Variants in DLG2 observed in about 807,000 individuals in gnomAD.
DLG2 encodes disks large homolog 2.
In DLG2, 45 loss-of-function variants were observed where a neutral mutation model predicts 132.5. That is an observed-to-expected ratio of 0.34 (90% CI 0.27 to 0.44). The LOEUF is 0.44. Ranked by LOEUF, DLG2 falls within the 20% of genes least tolerant of loss-of-function variation. The pLI is 1.00. For synonymous variants in DLG2, 424 were observed against 419.6 expected, an observed-to-expected ratio of 1.01 and a Z score of -0.13; for missense variants, 1,045 against 1,196.9, an observed-to-expected ratio of 0.87 and a Z score of 1.87.
intron 6 of DLG2, among the ~76,000 whole-genome samples, chr11:84,574,788 G>C (rs986843418): frequency 6.6e-6 from 1 of 152,084 alleles, no homozygotes; most frequent in African/African-American, 2.4e-5. Flanking sequence ...AGGTGCTCTT[G>C]CTCCTTTGTT....
intron 11 of DLG2, among the ~76,000 whole-genome samples, chr11:84,009,455 G>C (rs576882124): frequency 2.7e-4 from 41 of 152,128 alleles, no homozygotes; most frequent in African/African-American, 9.4e-4. Flanking sequence ...TATATGGTAT[G>C]ATTTTTTTTC....
chr11:84,896,983 A>AT (rs958963947), intron 6 of DLG2, among the ~76,000 whole-genome samples: 7 of 151,728 alleles, frequency 4.6e-5, no homozygotes, highest in African/African-American at 9.7e-5. Flanking sequence ...AATTTTTTTC[A>AT]TTATAAAATG....
At chr11:84,177,453 C>T (rs1596697949) in intron 8 of DLG2, among the ~76,000 whole-genome samples, 1 of 152,186 alleles carries the variant, frequency 6.6e-6, no homozygotes. Flanking sequence ...TAAGTATCAG[C>T]TCAGGCTTTG....
At chr11:83,518,315 C>T (rs986494780) in intron 21 of DLG2, among the ~76,000 whole-genome samples, 31 of 152,330 alleles carry the variant, frequency 2.0e-4, no homozygotes, top group African/African-American at 5.8e-4. Flanking sequence ...TAGAACCCTC[C>T]AAGCCAGGCG....
chr11:85,025,131 T>A lies in DLG2; in HGVS notation c.357+86530A>T, dbSNP rs191324958. Among the ~76,000 whole-genome samples the A allele has an allele frequency of 6.5e-3, 997 of 152,332 alleles. 8 individuals carry two copies. Among genetic ancestry groups the A allele is most frequent in the African/African-American group, 0.023 (936 of 41,576 alleles). On this transcript the variant is annotated intron_variant, in intron 6 of 27. Transcript: ENST00000376104. Reference sequence around the variant, plus strand: ...TTTTTAAATTAAACGTATTCTATAATTGTAGATAAATTTTCCATTGTATCT... The same window carrying A: ...TTTTTAAATTAAACGTATTCTATAAATGTAGATAAATTTTCCATTGTATCT...
At chr11:84,607,624 A>T (rs1254642410) in intron 6 of DLG2, among the ~76,000 whole-genome samples, 1 of 152,118 alleles carries the variant, frequency 6.6e-6, no homozygotes, top group Non-Finnish European at 1.5e-5. Context: ...TTTAATGAAT[A>T]TAATTCCTAC....
In DLG2 at chr11:85,230,820, G is replaced by T. The variant is rs142082683; in HGVS notation, c.186+54400C>A. On this transcript the variant is annotated intron_variant, in intron 4 of 27. Transcript: ENST00000376104. ...TTAGGTCATGAAGGTCATTCCTTAT[G>T]AATGGAATTAGCACCCTTATAAAAG... Among the ~76,000 whole-genome samples, 288 of 151,988 alleles carry T rather than the reference G, an allele frequency of 1.9e-3. 1 individual carries two copies. The highest frequency in any genetic ancestry group is 6.5e-3 in the African/African-American group (271 of 41,504).
At chr11:84,199,748 G>T (rs2096567748) in intron 8 of DLG2, among the ~76,000 whole-genome samples, 1 of 151,942 alleles carries the variant, frequency 6.6e-6, no homozygotes, top group Admixed American at 6.6e-5. Context: ...AATTATTCAG[G>T]ATAAAATCTG....
At chr11:83,828,615 G>C (rs2053577762) in intron 17 of DLG2, among the ~76,000 whole-genome samples, 1 of 152,130 alleles carries the variant, frequency 6.6e-6, no homozygotes, top group African/African-American at 2.4e-5. Context: ...CAATCCTGCT[G>C]TTTCAGTGTT....
chr11:83,568,398 G>A (rs1283102173), intron 19 of DLG2, among the ~76,000 whole-genome samples: 1 of 152,074 alleles, frequency 6.6e-6, no homozygotes, highest in East Asian at 1.9e-4. Context: ...GTACCTAGGG[G>A]CATACAAATT....
At chr11:85,066,926 G>A (rs761836475) in intron 6 of DLG2, among the ~76,000 whole-genome samples, 12 of 151,684 alleles carry the variant, frequency 7.9e-5, no homozygotes, top group Non-Finnish European at 1.5e-4. Flanking sequence ...AGAAGTCCTA[G>A]TTAGAGCCAT....
chr11:85,216,424 G>C (rs2082600467), intron 4 of DLG2, among the ~76,000 whole-genome samples: 1 of 152,090 alleles, frequency 6.6e-6, no homozygotes, highest in South Asian at 2.1e-4. Context: ...TTTATCTTTT[G>C]TGTTTGTTGT....
In DLG2 at chr11:85,555,165, G is replaced by A. The variant is rs1052805523; in HGVS notation, c.40+43492C>T. On this transcript the variant is annotated intron_variant, in intron 3 of 27. Transcript: ENST00000376104. ...GCAGTGGGCAAGAATAACCCATCAGGCAATTACATAATTTACTTAAACTGA... is the reference window on the plus strand; with the variant it reads ...GCAGTGGGCAAGAATAACCCATCAGACAATTACATAATTTACTTAAACTGA... 2.4e-4 allele frequency among the ~76,000 whole-genome samples: 36 copies of A among 151,620 alleles called. 1 individual carries two copies. Among genetic ancestry groups the A allele is most frequent in the African/African-American group, 8.0e-4 (33 of 41,300 alleles).
chr11:84,944,606 T>TTTC, intron 6 of DLG2, among the ~76,000 whole-genome samples: 1 of 7,394 alleles, frequency 1.4e-4, no homozygotes, highest in East Asian at 0.083. Context: ...TCTCTGTTAA[T>TTTC]TTTTTTTTTT....
Position 84,631,407 on chromosome 11 carries a change from C to A in DLG2, c.358-96676G>T, listed in dbSNP as rs183595497. 1.4e-4 allele frequency among the ~76,000 whole-genome samples: 21 copies of A among 152,178 alleles called. No homozygotes were observed. In the South Asian group the frequency reaches 2.7e-3, roughly 20 times the overall value. The stretch of plus-strand genomic sequence containing the variant: ...ATCACATTATTTTGGGAAAAATGAA[C>A]TGTGCTATAGAGAAAATGATTTAAG... On this transcript the variant is annotated intron_variant, in intron 6 of 27. Transcript: ENST00000376104.
At chr11:85,467,463 T>G in intron 3 of DLG2, among the ~76,000 whole-genome samples, 1 of 152,212 alleles carries the variant, frequency 6.6e-6, no homozygotes, top group Admixed American at 6.5e-5. Context: ...AGATATCTCT[T>G]ATTATTTTGA....
At chr11:84,924,162 C>T (rs1454738441) in intron 6 of DLG2, among the ~76,000 whole-genome samples, 4 of 152,046 alleles carry the variant, frequency 2.6e-5, no homozygotes, top group Non-Finnish European at 4.4e-5. Flanking sequence ...TGTCAGGCAC[C>T]GGATGCTGCA....
At chr11:84,240,215 G>A (rs911723807) in intron 8 of DLG2, among the ~76,000 whole-genome samples, 13 of 152,150 alleles carry the variant, frequency 8.5e-5, no homozygotes, top group African/African-American at 3.1e-4. Context: ...AACCCCCAAG[G>A]GTGGTAAAAA....
chr11:85,617,675 C>T (rs2081432219), intron 2 of DLG2, among the ~76,000 whole-genome samples: 1 of 152,144 alleles, frequency 6.6e-6, no homozygotes, highest in Non-Finnish European at 1.5e-5. Context: ...CATATATACA[C>T]CAGTTTACCT....
Sources: gnomAD v4.1 joint callset for allele counts (sites outside exome capture counted in the v4.1 genomes callset) on GRCh38, gnomAD v4.1.1 for gene constraint, MANE v1.5 for transcripts, NCBI Gene and HGNC (gene_info 2026-07-23, HGNC 2026-07-21) for gene names.